The following USP24 variants were observed in gnomAD, a reference collection of about 807,000 sequenced individuals.
USP24 encodes the protein ubiquitin carboxyl-terminal hydrolase 24.
In USP24, 97 loss-of-function variants were observed where a neutral mutation model predicts 361.6. The observed-to-expected ratio is 0.27, with a 90% CI of 0.23 to 0.32. USP24 has a LOEUF of 0.32. Ranked by LOEUF, USP24 falls within the 10% of genes least tolerant of loss-of-function variation. The probability of loss-of-function intolerance (pLI) is 1.00; values close to 1 mark genes in which losing one functional copy is unlikely to be tolerated. For missense variants in USP24, 2,353 were observed against 3,165.6 expected (o/e 0.74, Z 6.16); for synonymous variants, 1,098 against 1,124.6 (o/e 0.98, Z 0.47).
chr1:55,212,777 A>G (rs1345611062), intron 1 of USP24, among the ~76,000 whole-genome samples: 2 of 152,208 alleles, frequency 1.3e-5, no homozygotes, highest in Non-Finnish European at 2.9e-5. Flanking sequence ...TGAACTCTTA[A>G]AAGTAAACGG....
At chr1:55,176,852 T>C (rs919602155) in intron 2 of USP24, among the ~76,000 whole-genome samples, 26 of 151,978 alleles carry the variant, frequency 1.7e-4, no homozygotes, top group African/African-American at 6.3e-4. Flanking sequence ...TCCCAGAACT[T>C]TGGGAGGCCG....
chr1:55,078,168 T>C (rs1247245173), intron 61 of USP24, among the ~76,000 whole-genome samples: 2 of 152,154 alleles, frequency 1.3e-5, no homozygotes, highest in Non-Finnish European at 2.9e-5. Context: ...GAAATTCATA[T>C]AAAGAGGCCT....
chr1:55,176,678 T>G (rs1383986505), intron 2 of USP24, among the ~76,000 whole-genome samples: 1 of 152,188 alleles, frequency 6.6e-6, no homozygotes, highest in African/African-American at 2.4e-5. Flanking sequence ...ACCATAGCAT[T>G]AGATTAAATA....
At chr1:55,174,940 T>G (rs1228475053) in intron 3 of USP24, among the ~76,000 whole-genome samples, 1 of 152,196 alleles carries the variant, frequency 6.6e-6, no homozygotes, top group African/African-American at 2.4e-5. Flanking sequence ...AATTTTGGAT[T>G]TTTTAAAAGC....
At chr1:55,185,393 A>G (rs1221416335) in intron 1 of USP24, among the ~76,000 whole-genome samples, 2 of 151,984 alleles carry the variant, frequency 1.3e-5, no homozygotes, top group Non-Finnish European at 2.9e-5. Flanking sequence ...AACAGAAAAG[A>G]TCAGAGTAGA....
chr1:55,075,097 C>G (rs1644998337), intron 63 of USP24, among the ~76,000 whole-genome samples: 1 of 152,050 alleles, frequency 6.6e-6, no homozygotes, highest in South Asian at 2.1e-4. Context: ...CATCCTGCGT[C>G]TCAGGTTTTG....
intron 1 of USP24, among the ~76,000 whole-genome samples, chr1:55,211,075 C>T (rs61163343): frequency 0.052 from 7,925 of 152,256 alleles, 234 homozygotes; most frequent in African/African-American, 0.07. Context: ...CAGATTTCTA[C>T]TGATCCCCTG....
chr1:55,088,974 G>A (rs938551707), intron 55 of USP24, among the ~76,000 whole-genome samples: 5 of 151,182 alleles, frequency 3.3e-5, no homozygotes, highest in Middle Eastern at 3.2e-3. Flanking sequence ...GTGCAGTGAC[G>A]CGATCTCAGC....
At chr1:55,105,400 C>G (rs1398021010) in intron 41 of USP24, among the ~76,000 whole-genome samples, 1 of 152,064 alleles carries the variant, frequency 6.6e-6, no homozygotes, top group Non-Finnish European at 1.5e-5. Context: ...GATAAGATAC[C>G]TCTTAGGATT....
At position 55,083,109 on chromosome 1, in the gene USP24, TGAA is replaced by T. The variant is rs571382751; in HGVS notation, c.6975+160_6975+162del. On this transcript the variant is annotated intron_variant, in intron 58 of 67. Transcript: ENST00000294383. The stretch of plus-strand genomic sequence containing the variant: ...CCATGGGTTATTAGACTAAATTGTA[TGAA>T]GAAGTTGTAAAGATAATTTAACTCC... Among the ~76,000 whole-genome samples the T allele has an allele frequency of 2.5e-3, 380 of 152,372 alleles. 1 individual carries two copies. Among genetic ancestry groups the T allele is most frequent in the African/African-American group, 8.4e-3 (350 of 41,590 alleles).
chr1:55,138,751 A>G, intron 25 of USP24, 33 bp from the exon 26 acceptor site: 27 of 1,484,852 alleles, frequency 1.8e-5, no homozygotes, highest in Non-Finnish European at 2.5e-5. Flanking sequence ...TCAGATGGAC[A>G]GCACCACTGA....
At chr1:55,105,864 C>T (rs1246842293) in intron 41 of USP24, among the ~76,000 whole-genome samples, 1 of 151,864 alleles carries the variant, frequency 6.6e-6, no homozygotes, top group African/African-American at 2.4e-5. Flanking sequence ...ATTTTTATAA[C>T]CTTCGTTTCT....
At chr1:55,181,888 A>T (rs143043626) in intron 1 of USP24, among the ~76,000 whole-genome samples, 7 of 152,258 alleles carry the variant, frequency 4.6e-5, no homozygotes, top group Admixed American at 1.3e-4. Context: ...TGAGGTCATA[A>T]GGGTAGGGCC....
intron 9 of USP24, 88 bp downstream of exon 9, chr1:55,159,523 A>G: frequency 1.8e-6 from 2 of 1,112,574 alleles, no homozygotes; most frequent in South Asian, 2.8e-5. Flanking sequence ...GAATTCAAAG[A>G]GCATGGTGTG....
At chr1:55,213,313 C>G (rs1644893477) in intron 1 of USP24, among the ~76,000 whole-genome samples, 1 of 152,146 alleles carries the variant, frequency 6.6e-6, no homozygotes, top group African/African-American at 2.4e-5. Context: ...TTTCCATATA[C>G]TAGTCAACGA....
intron 1 of USP24, among the ~76,000 whole-genome samples, chr1:55,192,025 A>G (rs531476783): frequency 1.9e-4 from 29 of 152,324 alleles, no homozygotes; most frequent in African/African-American, 6.5e-4. Flanking sequence ...ACGCAAATGA[A>G]CCAACATAAG....
intron 63 of USP24, among the ~76,000 whole-genome samples, chr1:55,074,411 A>T (rs1295678038): frequency 9.2e-5 from 14 of 152,138 alleles, no homozygotes. Context: ...AGGCGGGTGG[A>T]TCACTTGAGG....
chr1:55,176,728 T>A (rs555126538), intron 2 of USP24, among the ~76,000 whole-genome samples: 2 of 152,194 alleles, frequency 1.3e-5, no homozygotes, highest in African/African-American at 4.8e-5. Context: ...TACATTTCCA[T>A]GTCAGAGTAA....
chr1:55,082,552 C>A (rs780760464), intron 58 of USP24, among the ~76,000 whole-genome samples: 1 of 152,112 alleles, frequency 6.6e-6, no homozygotes, highest in Non-Finnish European at 1.5e-5. Flanking sequence ...CTCGGTAAGC[C>A]GAGGTGGGCA....
Sources: gnomAD v4.1 joint callset for allele counts (sites outside exome capture counted in the v4.1 genomes callset) on GRCh38, gnomAD v4.1.1 for gene constraint, MANE v1.5 for transcripts, NCBI Gene and HGNC (gene_info 2026-07-23, HGNC 2026-07-21) for gene names.